The following ARFGEF3 variants were observed in gnomAD, a reference collection of about 807,000 sequenced individuals.
ARFGEF3 encodes brefeldin A-inhibited guanine nucleotide-exchange protein 3.
In ARFGEF3, 96 loss-of-function variants were observed where a neutral mutation model predicts 221.7. The observed-to-expected ratio is 0.43, with a 90% CI of 0.37 to 0.51. ARFGEF3 has a LOEUF of 0.51. Among genes scored for constraint, ARFGEF3 ranks in the 20% least tolerant of loss-of-function variants. The pLI is 0.00. For missense variants in ARFGEF3, 2,410 were observed against 2,789.9 expected, an observed-to-expected ratio of 0.86 and a Z score of 3.07; for synonymous variants, 1,145 against 1,126.8, an observed-to-expected ratio of 1.02 and a Z score of -0.32.
rs146529946 is a variant in ARFGEF3 at position 138,267,333 on chromosome 6, G to A, written c.2128+3722G>A. On this transcript the variant is annotated intron_variant, in intron 12 of 33. Transcript: ENST00000251691. ...CCAGTTACTCAGGAGGCTGAGGCAG[G>A]AGAATCTCTTGAACCCAGGAGGCGG... Among the ~76,000 whole-genome samples, 915 of 152,234 alleles carry A rather than the reference G, an allele frequency of 6.0e-3. 9 individuals carry two copies. The highest frequency in any genetic ancestry group is 0.045 in the East Asian group (231 of 5,162).
chr6:138,194,883 G>C (rs1254208515), intron 2 of ARFGEF3, among the ~76,000 whole-genome samples: 3 of 151,798 alleles, frequency 2.0e-5, no homozygotes, highest in Non-Finnish European at 4.4e-5. Flanking sequence ...TGACATTGAG[G>C]CCATTAAGGG....
rs1236220181 is a variant in ARFGEF3 at position 138,341,055 on chromosome 6, T to G, written c.*4569T>G. ...ACTTTAGAAAACTCACTGAATTAGG[T>G]GGAAATGATGGAATAATACTATTCA... On this transcript the variant is annotated 3_prime_UTR_variant, in exon 34 of 34. Coordinates refer to ENST00000251691, the MANE Select transcript of ARFGEF3 (RefSeq NM_020340.5). 1 of 152,266 alleles carries G rather than the reference T, an allele frequency of 6.6e-6. No homozygotes were observed. The highest frequency in any genetic ancestry group is 1.5e-5 in the Non-Finnish European group (1 of 68,144). 9.4% of individuals were successfully genotyped at this position (152,266 alleles called of 1,614,324 possible).
chr6:138,317,808 A>G (rs1779952928), intron 27 of ARFGEF3, among the ~76,000 whole-genome samples: 1 of 152,158 alleles, frequency 6.6e-6, no homozygotes, highest in African/African-American at 2.4e-5. Flanking sequence ...ACTTTCAGCT[A>G]TATGCGGTAT....
At position 138,170,684 on chromosome 6, in the gene ARFGEF3, C is replaced by T. The variant is rs1195684758; in HGVS notation, c.108C>T (p.Thr36=). The T allele has an allele frequency of 1.5e-5, 24 of 1,587,006 alleles. No individual in the cohort carries two copies. The highest frequency in any genetic ancestry group is 2.0e-5 in the Non-Finnish European group (23 of 1,156,212). ...CAGAAACTCTAGGTGGTCTGGATAC[C>T]ATTGTCAAGATCCCTCCACATGTAC... The part of the protein sequence containing the change: ...WALETLGGLD[T]IVKIPPHVLR... Residue 36 remains threonine (T), a synonymous_variant, in exon 2 of 34, where the codon ACC becomes ACT. Coordinates refer to ENST00000251691, the MANE Select transcript of ARFGEF3 (RefSeq NM_020340.5).
At chr6:138,181,937 G>A (rs919190685) in intron 2 of ARFGEF3, among the ~76,000 whole-genome samples, 5 of 152,178 alleles carry the variant, frequency 3.3e-5, no homozygotes, top group African/African-American at 7.2e-5. Flanking sequence ...ATAGGGACCC[G>A]AGCTCATCAA....
chr6:138,192,620 T>C (rs1467887112), intron 2 of ARFGEF3, among the ~76,000 whole-genome samples: 1 of 152,312 alleles, frequency 6.6e-6, no homozygotes, highest in Admixed American at 6.5e-5. Flanking sequence ...ACTGCAGTGA[T>C]TGTGGGTTGG....
chr6:138,293,171 AC>A (rs1316191969), intron 19 of ARFGEF3, among the ~76,000 whole-genome samples: 1 of 152,190 alleles, frequency 6.6e-6, no homozygotes, highest in African/African-American at 2.4e-5. Context: ...TGGTGCCCCC[AC>A]AGCACTGTTT....
At chr6:138,219,382 CAG>C (rs1442215358) in intron 4 of ARFGEF3, among the ~76,000 whole-genome samples, 2 of 152,084 alleles carry the variant, frequency 1.3e-5, no homozygotes, top group African/African-American at 2.4e-5. Flanking sequence ...GTGATCCAGA[CAG>C]AGCTGGGTGT....
At chr6:138,176,453 T>C (rs930919318) in intron 2 of ARFGEF3, among the ~76,000 whole-genome samples, 5 of 152,176 alleles carry the variant, frequency 3.3e-5, no homozygotes, top group African/African-American at 1.2e-4. Context: ...AGTGCTGGGA[T>C]TACAGGCCTG....
chr6:138,319,397 C>T (rs552600034), intron 27 of ARFGEF3, among the ~76,000 whole-genome samples: 19 of 152,072 alleles, frequency 1.2e-4, no homozygotes, highest in African/African-American at 4.1e-4. Flanking sequence ...TTCTTATACA[C>T]ACATGTGTAT....
rs1301470556 is a variant in ARFGEF3, at chr6:138,334,642, C to T, written c.5796C>T (p.Phe1932=). 6.2e-7 allele frequency: 1 copy of T among 1,613,444 alleles called. No homozygotes were observed. The highest frequency in any genetic ancestry group is 8.5e-7 in the Non-Finnish European group (1 of 1,179,852). The change falls in exon 33 of 34, where the codon TTC becomes TTT. Residue 1932 remains phenylalanine (F), a synonymous_variant. Coordinates refer to ENST00000251691, the MANE Select transcript of ARFGEF3 (RefSeq NM_020340.5). This position sits in a 1 kb window ranked among gnomAD's most constrained non-coding sequence, Gnocchi z 5.1. ...ACTGTATGGAGGAGCCTCCCATCTT[C>T]AAGGGCGACCCGTTCTTCATCCTGC... ...LENCMEEPPI[F]KGDPFFILPS... is the part of the protein sequence containing the mutation.
chr6:138,260,856 T>G (rs1778779125), intron 10 of ARFGEF3, among the ~76,000 whole-genome samples: 1 of 151,932 alleles, frequency 6.6e-6, no homozygotes, highest in Non-Finnish European at 1.5e-5. Flanking sequence ...ATTAAAGAAA[T>G]AAAAGAGGGT....
At chr6:138,319,140 A>C (rs1001745675) in intron 27 of ARFGEF3, among the ~76,000 whole-genome samples, 1 of 150,106 alleles carries the variant, frequency 6.7e-6, no homozygotes, top group Non-Finnish European at 1.5e-5. Context: ...TTTTTTGAGA[A>C]GGGATTTCAC....
At chr6:138,254,108 G>A (rs544258663) in intron 9 of ARFGEF3, 124 bp downstream of exon 9, 2 of 601,750 alleles carry the variant, frequency 3.3e-6, no homozygotes, top group South Asian at 4.9e-5. Flanking sequence ...GTGCGTAAAT[G>A]TCTTAGAGGG....
chr6:138,290,005 C>A (rs773619340), intron 18 of ARFGEF3, 37 bp downstream of exon 18: 1 of 1,579,032 alleles, frequency 6.3e-7, no homozygotes, highest in Admixed American at 1.8e-5. Flanking sequence ...TGGCACTAAC[C>A]CTGCCTTGGG....
At position 138,343,683 on chromosome 6, in the gene ARFGEF3, G is replaced by A. The variant is rs1347284447; in HGVS notation, c.*7197G>A. On this transcript the variant is annotated 3_prime_UTR_variant, in exon 34 of 34. Transcript: ENST00000251691. Reference sequence around the variant, plus strand: ...GATTATGTTTTTTCTTAAAGTTAGGGAGGCTCGGGCCCTGACACTGCCAGC... The same window carrying A: ...GATTATGTTTTTTCTTAAAGTTAGGAAGGCTCGGGCCCTGACACTGCCAGC... 6.6e-6 allele frequency: 1 copy of A among 152,144 alleles called. No homozygotes were observed. Among genetic ancestry groups the A allele is most frequent in the African/African-American group, 2.4e-5 (1 of 41,422 alleles). 9.4% of individuals were successfully genotyped at this position (152,144 alleles called of 1,614,324 possible). A position where few individuals can be genotyped will look rare whatever the true frequency, so the allele number is the denominator to read the frequency against.
chr6:138,177,848 A>T (rs529224524), intron 2 of ARFGEF3, among the ~76,000 whole-genome samples: 1 of 152,148 alleles, frequency 6.6e-6, no homozygotes, highest in Admixed American at 6.5e-5. Flanking sequence ...TAAATTTTTC[A>T]TTCATATCAT....
rs1780280357 is a variant in ARFGEF3 at position 138,334,332 on chromosome 6, A to G, written c.5486A>G (p.Gln1829Arg). ...HALVCAVLTN[Q>R]ETITAEQVKK... ...CTGGTGTGTGCTGTTCTCACCAATC[A>G]AGAAACCATCACGGCCGAGCAAGTG... Residue 1829 changes from glutamine (Q) to arginine (R), a missense_variant, in exon 33 of 34, where the codon CAA (glutamine) becomes CGA (arginine). Around this residue, in one of 5 missense-constraint regions of ARFGEF3, gnomAD observed 723 missense variants for 991.9 expected, o/e 0.73. Coordinates refer to ENST00000251691, the MANE Select transcript of ARFGEF3 (RefSeq NM_020340.5). The surrounding 1 kb of genome is among the most constrained non-coding windows in gnomAD (Gnocchi z 5.1). 2 of 1,613,740 alleles carry G rather than the reference A, an allele frequency of 1.2e-6. No individual in the cohort carries two copies. The highest frequency in any genetic ancestry group is 1.3e-5 in the African/African-American group (1 of 74,900).
Position 138,308,826 on chromosome 6 carries a change from A to G in ARFGEF3, c.4061A>G (p.Tyr1354Cys), listed in dbSNP as rs370363048. ...IQVFANAATS[Y>C]IMCLMKFVKG... is the part of the protein sequence containing the mutation. ...GTCTTTGCTAATGCAGCCACTAGCTACATCATGTGCCTTATGAAGTTTGTC... is the reference window on the plus strand; with the variant it reads ...GTCTTTGCTAATGCAGCCACTAGCTGCATCATGTGCCTTATGAAGTTTGTC... The change falls in exon 24 of 34, where the codon TAC becomes TGC. Residue 1354 changes from tyrosine to cysteine, a missense_variant. Coordinates refer to ENST00000251691, the MANE Select transcript of ARFGEF3 (RefSeq NM_020340.5). 1 of 1,614,016 alleles carries G rather than the reference A, an allele frequency of 6.2e-7. No individual in the cohort carries two copies. Among genetic ancestry groups the G allele is most frequent in the Non-Finnish European group, 8.5e-7 (1 of 1,179,872 alleles).
Sources: gnomAD v4.1 joint callset for allele counts (sites outside exome capture counted in the v4.1 genomes callset) on GRCh38, gnomAD v4.1.1 for gene constraint, gnomAD v4.1.1 regional missense constraint, Gnocchi (gnomAD v3.1) non-coding constraint, MANE v1.5 for transcripts, NCBI Gene and HGNC (gene_info 2026-07-23, HGNC 2026-07-21) for gene names.